Variants in FER observed in about 807,000 individuals in gnomAD.
FER encodes FER tyrosine kinase.
In FER, 63 loss-of-function variants were observed where a neutral mutation model predicts 111.0. The observed-to-expected ratio is 0.57, with a 90% CI of 0.46 to 0.70. The LOEUF is 0.70. Ranked by LOEUF, FER falls within the 30% of genes least tolerant of loss-of-function variation. The pLI is 0.00. For missense variants in FER, 914 were observed against 954.0 expected, an observed-to-expected ratio of 0.96 and a Z score of 0.55; for synonymous variants, 327 against 313.9, an observed-to-expected ratio of 1.04 and a Z score of -0.44.
At chr5:108,847,976 C>T (rs550110499) in intron 5 of FER, among the ~76,000 whole-genome samples, 2 of 152,120 alleles carry the variant, frequency 1.3e-5, no homozygotes, top group Non-Finnish European at 2.9e-5. Context: ...CAGCCTCGAA[C>T]TCCTGGGCTC....
At chr5:108,934,357 C>A (rs1351795052) in intron 10 of FER, among the ~76,000 whole-genome samples, 2 of 152,100 alleles carry the variant, frequency 1.3e-5, no homozygotes, top group African/African-American at 2.4e-5. Flanking sequence ...GTTCCTTCTA[C>A]CACTGATTGT....
intron 10 of FER, among the ~76,000 whole-genome samples, chr5:108,922,751 G>A (rs1000176157): frequency 6.6e-6 from 1 of 152,124 alleles, no homozygotes; most frequent in African/African-American, 2.4e-5. Context: ...TGAGTGCAGG[G>A]AGTGAATACT....
intron 17 of FER, among the ~76,000 whole-genome samples, chr5:109,140,266 C>T (rs4957568): frequency 0.4 from 60,103 of 151,948 alleles, 12,112 homozygotes; most frequent in Non-Finnish European, 0.43. Context: ...AAAATCATAT[C>T]TAAAATACAA....
At position 109,187,859 on chromosome 5, in the gene FER, G is replaced by A. The variant is rs1759053697; in HGVS notation, c.*284G>A. On this transcript the variant is annotated 3_prime_UTR_variant, in exon 20 of 20. Transcript: ENST00000281092. ...AGCACAGGCTTCTAAGTGTGTGAAG[G>A]ATAAAAGATCTATCCTATCCTTTTC... 2.4e-6 allele frequency: 1 copy of A among 413,874 alleles called. No individual in the cohort carries two copies. The highest frequency in any genetic ancestry group is 4.4e-6 in the Non-Finnish European group (1 of 226,946). 25.6% of individuals were successfully genotyped at this position (413,874 alleles called of 1,614,324 possible).
intron 13 of FER, among the ~76,000 whole-genome samples, chr5:109,020,452 AT>A (rs1767774557): frequency 6.6e-6 from 1 of 151,938 alleles, no homozygotes; most frequent in Non-Finnish European, 1.5e-5. Context: ...CATCCTTTTC[AT>A]TCTTTGTTAT....
intron 10 of FER, among the ~76,000 whole-genome samples, chr5:108,920,777 G>A (rs113471743): frequency 2.6e-3 from 392 of 152,172 alleles, no homozygotes; most frequent in African/African-American, 8.8e-3. Flanking sequence ...TTGAGTTATC[G>A]TAATGTATAA....
chr5:108,888,117 C>T (rs1581060432), intron 9 of FER, among the ~76,000 whole-genome samples: 1 of 151,822 alleles, frequency 6.6e-6, no homozygotes, highest in Non-Finnish European at 1.5e-5. Context: ...CAAAATGTCA[C>T]ATCTAGCTTC....
intron 2 of FER, among the ~76,000 whole-genome samples, chr5:108,788,806 A>G (rs1580535070): frequency 2.6e-5 from 4 of 152,290 alleles, no homozygotes; most frequent in African/African-American, 9.6e-5. Context: ...ATTATAGTTT[A>G]CTCAAAGTAG....
intron 16 of FER, among the ~76,000 whole-genome samples, chr5:109,058,795 C>T (rs1413288905): frequency 8.0e-6 from 1 of 125,688 alleles, no homozygotes; most frequent in Non-Finnish European, 1.6e-5. Flanking sequence ...TGCAACTGTG[C>T]GATCTCAGCT....
chr5:108,999,756 G>C (rs1267588740), intron 13 of FER, among the ~76,000 whole-genome samples: 1 of 149,460 alleles, frequency 6.7e-6, no homozygotes, highest in African/African-American at 2.5e-5. Flanking sequence ...TATGTTACTA[G>C]ATTAGATTAT....
intron 1 of FER, among the ~76,000 whole-genome samples, chr5:108,765,142 A>G (rs115101822): frequency 0.01 from 1,570 of 152,270 alleles, 27 homozygotes; most frequent in African/African-American, 0.036. Context: ...TGCATTTTCA[A>G]CTGTTATGTA....
At chr5:108,863,128 T>TTTTG (rs1260433602) in intron 5 of FER, among the ~76,000 whole-genome samples, 1 of 152,050 alleles carries the variant, frequency 6.6e-6, no homozygotes, top group Admixed American at 6.5e-5. Context: ...TGACCTTTTT[T>TTTTG]TTTGTTTGTT....
chr5:109,078,914 G>A (rs1776673409), intron 16 of FER, among the ~76,000 whole-genome samples: 1 of 151,994 alleles, frequency 6.6e-6, no homozygotes, highest in African/African-American at 2.4e-5. Flanking sequence ...AAATCTTTTT[G>A]CCAAAATTCT....
At chr5:108,762,403 A>G (rs187481050) in intron 1 of FER, among the ~76,000 whole-genome samples, 2 of 152,080 alleles carry the variant, frequency 1.3e-5, no homozygotes, top group East Asian at 1.9e-4. Context: ...CACCACCCCT[A>G]CTTCTATCAT....
At chr5:108,753,577 C>CT (rs1322984881) in intron 1 of FER, among the ~76,000 whole-genome samples, 1 of 152,192 alleles carries the variant, frequency 6.6e-6, no homozygotes, top group African/African-American at 2.4e-5. Flanking sequence ...TCTTAAATCT[C>CT]TAACTAGTGC....
intron 17 of FER, among the ~76,000 whole-genome samples, chr5:109,101,956 C>T (rs1748282075): frequency 6.6e-6 from 1 of 152,074 alleles, no homozygotes; most frequent in Admixed American, 6.6e-5. Flanking sequence ...GTAATAAATA[C>T]ACATTATTGA....
At chr5:108,873,042 A>G (rs535545942) in intron 8 of FER, among the ~76,000 whole-genome samples, 4 of 151,800 alleles carry the variant, frequency 2.6e-5, no homozygotes, top group East Asian at 1.9e-4. Flanking sequence ...TCTTCTTTCT[A>G]TTGTTCAGTA....
chr5:109,107,867 TA>T (rs1354508582), intron 17 of FER, among the ~76,000 whole-genome samples: 1 of 152,160 alleles, frequency 6.6e-6, no homozygotes, highest in Non-Finnish European at 1.5e-5. Context: ...TAGGCTAATA[TA>T]ACCTGCCAGG....
In FER at chr5:108,929,977, T is replaced by C. The variant is rs375191505; in HGVS notation, c.1237-16153T>C. On this transcript the variant is annotated intron_variant, in intron 10 of 19. Coordinates refer to ENST00000281092, the MANE Select transcript of FER (RefSeq NM_005246.4). Reference sequence around the variant, plus strand: ...TAGTGCCTTTTAGTTCCAAGGTAAGTTATTGTTTTAAAAATTGTGAATTTC... The same window carrying C: ...TAGTGCCTTTTAGTTCCAAGGTAAGCTATTGTTTTAAAAATTGTGAATTTC... Among the ~76,000 whole-genome samples the C allele has an allele frequency of 3.9e-5, 6 of 152,244 alleles. No individual in the cohort carries two copies. In the South Asian group the frequency reaches 1.0e-3, roughly 26 times the overall value.
Sources: gnomAD v4.1 joint callset for allele counts (sites outside exome capture counted in the v4.1 genomes callset) on GRCh38, gnomAD v4.1.1 for gene constraint, MANE v1.5 for transcripts, NCBI Gene and HGNC (gene_info 2026-07-23, HGNC 2026-07-21) for gene names.